HABP2: variants seen among roughly 807,000 people sequenced by gnomAD.
The protein encoded by HABP2 is hyaluronan binding protein 2, also known as factor VII-activating protease.
Under a neutral mutation model 66.5 loss-of-function variants are expected in HABP2, and 65 were observed. That is an observed-to-expected ratio of 0.98 (90% CI 0.80 to 1.20). HABP2 has a LOEUF of 1.20. HABP2 is among the 50% of genes most tolerant of loss of function. The pLI is 0.00. For synonymous variants in HABP2, 263 were observed against 253.9 expected, an observed-to-expected ratio of 1.04 and a Z score of -0.34; for missense variants, 786 against 691.0, an observed-to-expected ratio of 1.14 and a Z score of -1.54.
intron 1 of HABP2, among the ~76,000 whole-genome samples, chr10:113,557,065 T>C (rs1475258277): frequency 6.6e-6 from 1 of 152,144 alleles, no homozygotes; most frequent in Non-Finnish European, 1.5e-5. Flanking sequence ...GGACCAAGTT[T>C]GGGATGGGCA....
Position 113,588,838 on chromosome 10 carries a change from G to T in HABP2, c.*469G>T. On this transcript the variant is annotated 3_prime_UTR_variant, in exon 13 of 13. Coordinates refer to ENST00000351270, the MANE Select transcript of HABP2 (RefSeq NM_004132.5). Reference sequence around the variant, plus strand: ...ATACAACATTCTCCATCTGCTTTCAGAGTTATTATTTTAATAAAGGAAGAT... The same window carrying T: ...ATACAACATTCTCCATCTGCTTTCATAGTTATTATTTTAATAAAGGAAGAT... 1 of 695,878 alleles carries T rather than the reference G, an allele frequency of 1.4e-6. No individual in the cohort carries two copies. The highest frequency in any genetic ancestry group is 2.5e-5 in the East Asian group (1 of 40,184). 43.1% of individuals were successfully genotyped at this position (695,878 alleles called of 1,614,324 possible).
chr10:113,584,269 T>G lies in HABP2; in HGVS notation c.1359T>G (p.Gly453=). The change falls in exon 11 of 13, where the codon GGT becomes GGG. Residue 453 remains glycine, a synonymous_variant. Coordinates refer to ENST00000351270, the MANE Select transcript of HABP2 (RefSeq NM_004132.5). ...GTGAGTGCCACATCTCTGGCTGGGG[T>G]GTTACAGAAACAGGTGAGTCGGCCA... is the stretch of plus-strand genomic sequence containing the variant. The part of the protein sequence containing the change: ...SGSECHISGW[G]VTETGKGSRQ... 1 of 1,613,970 alleles carries G rather than the reference T, an allele frequency of 6.2e-7. No individual in the cohort carries two copies. Among genetic ancestry groups the G allele is most frequent in the Non-Finnish European group, 8.5e-7 (1 of 1,179,918 alleles).
At chr10:113,551,002 G>T (rs987543684), upstream of HABP2, 27 of 152,358 alleles carry the variant, frequency 1.8e-4, no homozygotes, top group African/African-American at 6.3e-4. Flanking sequence ...TCATGAATAA[G>T]TTGAAGTGTG....
Position 113,578,703 on chromosome 10 carries a change from C to T in HABP2, c.645C>T (p.Cys215=). The T allele has an allele frequency of 6.2e-7, 1 of 1,608,186 alleles. No individual in the cohort carries two copies. The highest frequency in any genetic ancestry group is 1.3e-5 in the African/African-American group (1 of 74,824). The change falls in exon 7 of 13, where the codon TGC becomes TGT. Residue 215 remains cysteine, a synonymous_variant. Transcript: ENST00000351270. The stretch of plus-strand genomic sequence containing the variant: ...ATAGGACAGTCAACCAGCATGCGTG[C>T]CTTTACTGGAACTCCCACCTCCTCT... The part of the protein sequence containing the change: ...KMNRTVNQHA[C]LYWNSHLLLQ...
At position 113,589,434 on chromosome 10, in the gene HABP2, C is replaced by T. The variant is rs538661963; in HGVS notation, c.*1065C>T. 19 of 602,638 alleles carry T rather than the reference C, an allele frequency of 3.2e-5. No individual in the cohort carries two copies. The highest frequency in any genetic ancestry group is 5.2e-5 in the Non-Finnish European group (18 of 346,084). The allele number at this position is 602,638 out of a possible 1,614,324, so 37.3% of individuals were successfully genotyped here. On this transcript the variant is annotated 3_prime_UTR_variant, in exon 13 of 13. Coordinates refer to ENST00000351270, the MANE Select transcript of HABP2 (RefSeq NM_004132.5). ...TGATGTAGCCCCGGTAGGTTTGCCT[C>T]TGCAGAACTAATGGCTGTGACTTCA...
At chr10:113,578,199 C>T in intron 6 of HABP2, 54 bp downstream of exon 6, 2 of 1,586,010 alleles carry the variant, frequency 1.3e-6, no homozygotes, top group Non-Finnish European at 1.7e-6. Flanking sequence ...GAACCCTTTC[C>T]TCTCTGGGTT....
At chr10:113,564,665 A>G (rs1845164724) in intron 1 of HABP2, among the ~76,000 whole-genome samples, 1 of 152,156 alleles carries the variant, frequency 6.6e-6, no homozygotes, top group African/African-American at 2.4e-5. Context: ...TTTTAAACCT[A>G]CAGAAAAGTG....
At chr10:113,577,074 A>C in intron 4 of HABP2, 76 bp from the exon 5 acceptor site, 1 of 837,814 alleles carries the variant, frequency 1.2e-6, no homozygotes, top group South Asian at 1.4e-5. Context: ...CCCCACCCTC[A>C]AACATTGTTT....
intron 1 of HABP2, among the ~76,000 whole-genome samples, chr10:113,560,016 G>C (rs904566660): frequency 1.3e-5 from 2 of 152,224 alleles, no homozygotes; most frequent in East Asian, 3.8e-4. Context: ...TGCAGATGAA[G>C]GGTCTGAGCC....
chr10:113,559,224 T>C (rs1845056988), intron 1 of HABP2, among the ~76,000 whole-genome samples: 1 of 152,194 alleles, frequency 6.6e-6, no homozygotes, highest in South Asian at 2.1e-4. Context: ...TCTCCTTGTC[T>C]TGGATGGCCT....
rs957418865 is a variant in HABP2, at chr10:113,578,476, A to C, written c.569-151A>C. 5 of 641,094 alleles carry C rather than the reference A, an allele frequency of 7.8e-6. No individual in the cohort carries two copies. In the East Asian group the frequency reaches 1.0e-4, roughly 13 times the overall value. 39.7% of individuals were successfully genotyped at this position (641,094 alleles called of 1,614,324 possible). ...AAGCAGGATTAAATGTGGGACATTC[A>C]ACACTTTTTTTTCTGAAATTCGTGG... On this transcript the variant is annotated intron_variant, in intron 6 of 12. Coordinates refer to ENST00000351270, the MANE Select transcript of HABP2 (RefSeq NM_004132.5).
intron 1 of HABP2, among the ~76,000 whole-genome samples, chr10:113,567,048 A>G (rs1458906452): frequency 6.6e-6 from 1 of 152,208 alleles, no homozygotes; most frequent in Non-Finnish European, 1.5e-5. Flanking sequence ...GAATCCTATC[A>G]CAGCTATGTG....
Position 113,582,012 on chromosome 10 carries a change from C to T in HABP2, c.975C>T (p.His325=), listed in dbSNP as rs776987092. 2.0e-5 allele frequency: 33 copies of T among 1,614,188 alleles called. 1 individual carries two copies. The South Asian group carries it at 3.3e-4, about 16-fold the overall frequency. ...YGGFKSTAGK[H]PWQASLQSSL... ...GCTTTAAGAGCACGGCGGGCAAGCA[C>T]CCATGGCAGGCGTCCCTCCAGTCCT... Residue 325 remains histidine (H), a synonymous_variant, in exon 9 of 13, where the codon CAC becomes CAT. Transcript: ENST00000351270.
intron 2 of HABP2, among the ~76,000 whole-genome samples, chr10:113,570,842 G>T (rs1266612164): frequency 1.3e-5 from 2 of 152,196 alleles, no homozygotes; most frequent in African/African-American, 4.8e-5. Context: ...GTAGGGCTTT[G>T]TGCTGGGCAC....
rs768605771 is a variant in HABP2 at position 113,575,949 on chromosome 10, G to C, written c.276G>C (p.Gly92=). The change falls in exon 4 of 13, where the codon GGG becomes GGC. Residue 92 remains glycine, a synonymous_variant. Transcript: ENST00000351270. The part of the protein sequence containing the change: ...CEHGGDCLVH[G]STFTCSCLAP... The stretch of plus-strand genomic sequence containing the variant: ...ACGGTGGGGACTGCCTCGTCCATGG[G>C]AGCACCTTCACATGCAGCTGCCTGG... The C allele has an allele frequency of 2.5e-6, 4 of 1,612,890 alleles. No individual in the cohort carries two copies. In the Admixed American group the frequency reaches 5.0e-5, roughly 20 times the overall value.
rs756026100 is a variant in HABP2, at chr10:113,567,501, T to C, written c.82T>C (p.Ser28Pro). ...GKTACGFSLM[S>P]LLESLDPDWT... ...TTTTGTTTTTCAGTTCTCCCTGATGTCTTTATTGGAAAGCCTGGACCCAGG... is the reference window on the plus strand; with the variant it reads ...TTTTGTTTTTCAGTTCTCCCTGATGCCTTTATTGGAAAGCCTGGACCCAGG... The change falls in exon 2 of 13, where the codon TCT becomes CCT. Residue 28 changes from serine (S) to proline (P), a missense_variant. Physicochemically the swap from Ser to Pro is moderately conservative, Grantham distance 74. Coordinates refer to ENST00000351270, the MANE Select transcript of HABP2 (RefSeq NM_004132.5). The C allele has an allele frequency of 6.2e-6, 10 of 1,612,440 alleles. No homozygotes were observed. The East Asian group carries it at 1.8e-4, about 29-fold the overall frequency.
chr10:113,574,554 C>A, intron 3 of HABP2, 149 bp downstream of exon 3: 1 of 562,538 alleles, frequency 1.8e-6, no homozygotes. Context: ...GCTTTTTTTT[C>A]TGTTAGATTC....
chr10:113,560,875 G>A (rs1463586230), intron 1 of HABP2, among the ~76,000 whole-genome samples: 7 of 152,228 alleles, frequency 4.6e-5, no homozygotes, highest in Non-Finnish European at 7.3e-5. Context: ...AGAATAAGAA[G>A]GAGGCGTTTC....
chr10:113,584,933 A>G (rs2133785191), intron 11 of HABP2, among the ~76,000 whole-genome samples: 1 of 152,228 alleles, frequency 6.6e-6, no homozygotes, highest in South Asian at 2.1e-4. Context: ...GCAACATTAT[A>G]CCCACTACTA....
Sources: allele counts gnomAD v4.1 joint callset (sites outside exome capture counted in the v4.1 genomes callset), GRCh38; gene constraint gnomAD v4.1.1; transcripts MANE v1.5; gene names NCBI Gene and HGNC (gene_info 2026-07-23, HGNC 2026-07-21).